EPHA6: variants seen among roughly 807,000 people sequenced by gnomAD.
EPHA6 encodes EPH receptor A6, also known as ephrin type-A receptor 6.
Under a neutral mutation model 112.0 loss-of-function variants are expected in EPHA6, and 50 were observed. The ratio of observed to expected loss-of-function variants is 0.45; its 90% CI spans 0.36 to 0.56. The LOEUF is 0.56. Ranked by LOEUF, EPHA6 falls within the 20% of genes least tolerant of loss-of-function variation. The probability of loss-of-function intolerance (pLI) is 0.00; values close to 1 mark genes in which losing one functional copy is unlikely to be tolerated. For missense variants in EPHA6, 1,280 were observed against 1,417.4 expected, an observed-to-expected ratio of 0.90 and a Z score of 1.56; for synonymous variants, 529 against 490.7, an observed-to-expected ratio of 1.08 and a Z score of -1.03.
chr3:96,839,472 C>A (rs559017738), intron 1 of EPHA6, among the ~76,000 whole-genome samples: 30 of 152,232 alleles, frequency 2.0e-4, no homozygotes, highest in African/African-American at 6.7e-4. Context: ...TTCCATGAAA[C>A]TGGTCCCTGG....
intron 5 of EPHA6, among the ~76,000 whole-genome samples, chr3:97,291,059 G>T (rs1156628900): frequency 2.6e-5 from 4 of 151,874 alleles, no homozygotes; most frequent in Admixed American, 2.6e-4. Flanking sequence ...GCTTTGGCTG[G>T]CATGTTGTGT....
intron 3 of EPHA6, among the ~76,000 whole-genome samples, chr3:97,157,686 C>T (rs779033108): frequency 2.0e-5 from 3 of 152,086 alleles, no homozygotes; most frequent in Non-Finnish European, 4.4e-5. Flanking sequence ...CCGAGAGGAG[C>T]TGATATTTCA....
intron 3 of EPHA6, among the ~76,000 whole-genome samples, chr3:97,120,335 A>G (rs1297618357): frequency 2.6e-5 from 4 of 152,084 alleles, no homozygotes; most frequent in African/African-American, 9.6e-5. Context: ...GAAACTTAGT[A>G]CAGGTAAGTT....
chr3:97,144,654 C>T (rs1339512294), intron 3 of EPHA6, among the ~76,000 whole-genome samples: 1 of 151,296 alleles, frequency 6.6e-6, no homozygotes, highest in Non-Finnish European at 1.5e-5. Flanking sequence ...GTTTTTTCTT[C>T]TACAGTGATT....
chr3:96,981,694 T>C (rs1192129531), intron 2 of EPHA6, among the ~76,000 whole-genome samples: 3 of 152,116 alleles, frequency 2.0e-5, no homozygotes, highest in Admixed American at 2.0e-4. Context: ...GGACTTTTTT[T>C]TGTTTCCTAG....
At chr3:97,584,863 T>A (rs2107306781) in intron 11 of EPHA6, among the ~76,000 whole-genome samples, 1 of 152,322 alleles carries the variant, frequency 6.6e-6, no homozygotes, top group African/African-American at 2.4e-5. Context: ...CCAATATGTT[T>A]ATTATTAGCT....
In EPHA6 at chr3:97,759,567, T is replaced by C. The variant is rs2036107581; in HGVS notation, c.*10866T>C. 2 of 230,622 alleles carry C rather than the reference T, an allele frequency of 8.7e-6. No individual in the cohort carries two copies. The highest frequency in any genetic ancestry group is 6.1e-5 in the East Asian group (1 of 16,272). 14.3% of individuals were successfully genotyped at this position (230,622 alleles called of 1,614,324 possible). A position where few individuals can be genotyped will look rare whatever the true frequency, so the allele number is the denominator to read the frequency against. On this transcript the variant is annotated 3_prime_UTR_variant, in exon 18 of 18. Transcript: ENST00000389672. ...ACAAAGGCCTTGAGAGATAGAGGGG[T>C]TGCGATTTAAAGCATAAGTAGGGAG...
chr3:97,296,894 C>T (rs2080892927), intron 5 of EPHA6, among the ~76,000 whole-genome samples: 1 of 152,180 alleles, frequency 6.6e-6, no homozygotes, highest in Non-Finnish European at 1.5e-5. Flanking sequence ...CTGTAGTCCT[C>T]TGGGTGAACA....
At chr3:97,548,023 G>A (rs2092979393) in intron 11 of EPHA6, among the ~76,000 whole-genome samples, 1 of 152,188 alleles carries the variant, frequency 6.6e-6, no homozygotes. Flanking sequence ...CCCGGGTGAG[G>A]TGACGCCTCG....
At chr3:97,171,984 A>T (rs1451841212) in intron 3 of EPHA6, among the ~76,000 whole-genome samples, 1 of 152,126 alleles carries the variant, frequency 6.6e-6, no homozygotes, top group Non-Finnish European at 1.5e-5. Flanking sequence ...TGCTCAATTC[A>T]ATACTGAGGT....
chr3:97,583,199 C>A (rs1364054241), intron 11 of EPHA6, among the ~76,000 whole-genome samples: 1 of 151,670 alleles, frequency 6.6e-6, no homozygotes, highest in Non-Finnish European at 1.5e-5. Flanking sequence ...CTTAACAACG[C>A]CTTAGCTGAC....
Position 97,139,505 on chromosome 3 carries a change from C to A in EPHA6, c.1115-86759C>A, listed in dbSNP as rs750081308. On this transcript the variant is annotated intron_variant, in intron 3 of 17. Coordinates refer to ENST00000389672, the MANE Select transcript of EPHA6 (RefSeq NM_001080448.3). ...CTTTAGCAGAAAATGAGCCTGCACACACTCACAGTACACAAGTACTAAAAC... is the reference window on the plus strand; with the variant it reads ...CTTTAGCAGAAAATGAGCCTGCACAAACTCACAGTACACAAGTACTAAAAC... Among the ~76,000 whole-genome samples the A allele has an allele frequency of 8.9e-4, 135 of 152,216 alleles. 1 individual carries two copies. The highest frequency in any genetic ancestry group is 3.0e-3 in the African/African-American group (125 of 41,550).
intron 15 of EPHA6, among the ~76,000 whole-genome samples, chr3:97,734,779 G>A (rs1372622395): frequency 5.3e-5 from 8 of 151,906 alleles, no homozygotes; most frequent in Non-Finnish European, 7.4e-5. Context: ...CTGTTCCTCC[G>A]TTTTCCAAAC....
At chr3:96,917,404 G>A (rs2039536857) in intron 2 of EPHA6, among the ~76,000 whole-genome samples, 1 of 119,114 alleles carries the variant, frequency 8.4e-6, no homozygotes, top group African/African-American at 3.4e-5. Context: ...GGGTGATGGA[G>A]TAAGACTCCA....
chr3:96,938,197 G>A (rs1470710443), intron 2 of EPHA6, among the ~76,000 whole-genome samples: 4 of 152,080 alleles, frequency 2.6e-5, no homozygotes, highest in African/African-American at 9.7e-5. Flanking sequence ...ATTACCTTGG[G>A]CAGTATGGCC....
At chr3:97,012,806 A>G (rs2044139230) in intron 3 of EPHA6, among the ~76,000 whole-genome samples, 1 of 151,550 alleles carries the variant, frequency 6.6e-6, no homozygotes, top group Non-Finnish European at 1.5e-5. Context: ...CTGATTTCAA[A>G]TGGTATCTCG....
At chr3:97,596,518 C>A (rs1007227856) in intron 12 of EPHA6, among the ~76,000 whole-genome samples, 1 of 151,858 alleles carries the variant, frequency 6.6e-6, no homozygotes, top group Non-Finnish European at 1.5e-5. Context: ...AATTCACTTT[C>A]TCTGTCACTT....
At chr3:97,148,385 A>T (rs1321174881) in intron 3 of EPHA6, among the ~76,000 whole-genome samples, 1 of 152,080 alleles carries the variant, frequency 6.6e-6, no homozygotes, top group East Asian at 1.9e-4. Flanking sequence ...AAGAGGGAGG[A>T]TCATTAAGCC....
chr3:97,447,921 T>C lies in EPHA6; in HGVS notation c.1732-647T>C, dbSNP rs897548938. On this transcript the variant is annotated intron_variant, in intron 6 of 17. Transcript: ENST00000389672. The stretch of plus-strand genomic sequence containing the variant: ...TACTTCACAGTCACTATGTAACTAG[T>C]ATATGTTTAAAAATAAGCTATATTT... The C allele has an allele frequency of 1.2e-5, 4 of 333,680 alleles. No individual in the cohort carries two copies. In the South Asian group the frequency reaches 3.7e-4, roughly 31 times the overall value. The allele number at this position is 333,680 out of a possible 1,614,324, so 20.7% of individuals were successfully genotyped here.
Sources: allele counts gnomAD v4.1 joint callset (sites outside exome capture counted in the v4.1 genomes callset), GRCh38; gene constraint gnomAD v4.1.1; transcripts MANE v1.5; gene names NCBI Gene and HGNC (gene_info 2026-07-23, HGNC 2026-07-21).